Variants in RELN observed in about 807,000 individuals in gnomAD.
RELN encodes the protein reelin.
A neutral mutation model predicts 427.6 loss-of-function variants in RELN; 108 were observed. The ratio of observed to expected loss-of-function variants is 0.25; its 90% CI spans 0.22 to 0.30. The LOEUF (loss-of-function observed/expected upper bound fraction) is 0.30, where lower values mean the gene tolerates loss of function less well. Ranked by LOEUF, RELN falls within the 10% of genes least tolerant of loss-of-function variation. RELN has a pLI of 1.00. For synonymous variants in RELN, 1,524 were observed against 1,513.4 expected, an observed-to-expected ratio of 1.01 and a Z score of -0.16; for missense variants, 3,715 against 4,302.8, an observed-to-expected ratio of 0.86 and a Z score of 3.82.
rs866966966 is a variant in RELN at position 103,636,350 on chromosome 7, G to A, written c.2188C>T (p.Arg730Cys). ...LSSYHNFYSI[R>C]GAEVSFGCGV... Reference sequence around the variant, plus strand: ...CAACCAAAGCTGACTTCAGCACCACGGATAGAGTAAAAGTTATGGTAAGAG... The same window carrying A: ...CAACCAAAGCTGACTTCAGCACCACAGATAGAGTAAAAGTTATGGTAAGAG... The change falls in exon 18 of 65, where the codon CGT (arginine) becomes TGT (cysteine). Residue 730 changes from arginine to cysteine, a missense_variant. Transcript: ENST00000428762. The A allele has an allele frequency of 3.7e-6, 6 of 1,613,788 alleles. No individual in the cohort carries two copies. The highest frequency in any genetic ancestry group is 2.2e-5 in the South Asian group (2 of 91,070).
intron 3 of RELN, among the ~76,000 whole-genome samples, chr7:103,826,318 CAATGTGTGTGTGTG>C (rs1191717649): frequency 1.6e-5 from 1 of 64,062 alleles, no homozygotes; most frequent in Non-Finnish European, 3.9e-5. Flanking sequence ...CAGACTAAGA[CAATGTGTGTGTGTG>C]TGTGTGTGTG....
At chr7:103,703,383 T>G (rs1430659974) in intron 8 of RELN, among the ~76,000 whole-genome samples, 1 of 152,226 alleles carries the variant, frequency 6.6e-6, no homozygotes, top group East Asian at 1.9e-4. Flanking sequence ...ATAAGCTCTG[T>G]TCTTGCCCAG....
intron 2 of RELN, among the ~76,000 whole-genome samples, chr7:103,868,927 GC>G (rs1794263543): frequency 1.3e-5 from 2 of 151,776 alleles, no homozygotes; most frequent in South Asian, 4.2e-4. Flanking sequence ...CAATCTATTT[GC>G]TTTTTTTCTA....
At chr7:103,854,337 A>C (rs907617315) in intron 2 of RELN, among the ~76,000 whole-genome samples, 49 of 152,182 alleles carry the variant, frequency 3.2e-4, no homozygotes, top group African/African-American at 1.1e-3. Context: ...TTGTACTTTA[A>C]AGTCACGATT....
rs558138119 is a variant in RELN at position 103,842,476 on chromosome 7, T to A, written c.338-8804A>T. On this transcript the variant is annotated intron_variant, in intron 2 of 64. Transcript: ENST00000428762. ...TCAGACATTTCAACAAAGCCAAACA[T>A]GATTTCATATGCTGAAAAGTAATCA... 2.0e-5 allele frequency among the ~76,000 whole-genome samples: 3 copies of A among 152,320 alleles called. No individual in the cohort carries two copies. In the South Asian group the frequency reaches 6.2e-4, roughly 32 times the overall value.
At chr7:103,683,277 A>G (rs1833692865) in intron 10 of RELN, among the ~76,000 whole-genome samples, 1 of 152,170 alleles carries the variant, frequency 6.6e-6, no homozygotes, top group South Asian at 2.1e-4. Flanking sequence ...GTTATATTCC[A>G]GGTCTTAGCA....
intron 2 of RELN, among the ~76,000 whole-genome samples, chr7:103,864,170 T>C (rs1008091376): frequency 1.4e-4 from 21 of 152,214 alleles, no homozygotes; most frequent in African/African-American, 5.1e-4. Flanking sequence ...TGAAATCTCA[T>C]AACTTAAACA....
At chr7:103,875,727 A>G (rs1347494151) in intron 2 of RELN, among the ~76,000 whole-genome samples, 1 of 152,142 alleles carries the variant, frequency 6.6e-6, no homozygotes, top group Non-Finnish European at 1.5e-5. Context: ...TGGAAATGTC[A>G]AAGATTGCAA....
rs753756345 is a variant in RELN, at chr7:103,636,318, G to A, written c.2220C>T (p.Val740=). The change falls in exon 18 of 65, where the codon GTC becomes GTT. Residue 740 remains valine, a synonymous_variant. Coordinates refer to ENST00000428762, the MANE Select transcript of RELN (RefSeq NM_005045.4). ...RGAEVSFGCG[V]LASGKALVFN... The stretch of plus-strand genomic sequence containing the variant: ...AAACCAGGGCCTTACCACTGGCCAA[G>A]ACACCACAACCAAAGCTGACTTCAG... 6.2e-7 allele frequency: 1 copy of A among 1,613,888 alleles called. No homozygotes were observed.
At chr7:103,484,971 C>CT (rs1416513224) in intron 61 of RELN, among the ~76,000 whole-genome samples, 1 of 152,096 alleles carries the variant, frequency 6.6e-6, no homozygotes, top group Non-Finnish European at 1.5e-5. Context: ...TGACATTTTG[C>CT]TTTTCATTGT....
At chr7:103,907,430 A>AGG (rs1247222297) in intron 2 of RELN, among the ~76,000 whole-genome samples, 1 of 149,708 alleles carries the variant, frequency 6.7e-6, no homozygotes, top group African/African-American at 2.4e-5. Context: ...AAAAAAAAAA[A>AGG]AAAAAAAAAA....
At chr7:103,481,612 C>T (rs1226585815) in intron 63 of RELN, among the ~76,000 whole-genome samples, 2 of 152,158 alleles carry the variant, frequency 1.3e-5, no homozygotes, top group East Asian at 1.9e-4. Flanking sequence ...TCTTCAAAAG[C>T]TTCCCAAATG....
chr7:103,667,045 C>T (rs1003278278), intron 11 of RELN, among the ~76,000 whole-genome samples: 1 of 152,060 alleles, frequency 6.6e-6, no homozygotes, highest in East Asian at 1.9e-4. Context: ...TTTTAATTTC[C>T]CTTTGTTTTA....
rs112618658 is a variant in RELN at position 103,835,650 on chromosome 7, T to G, written c.338-1978A>C. Among the ~76,000 whole-genome samples the G allele has an allele frequency of 8.4e-3, 1,282 of 152,342 alleles. 16 individuals carry two copies. The highest frequency in any genetic ancestry group is 0.029 in the African/African-American group (1,192 of 41,594). ...TTATTTAAAAAATTACTAAAAGCAT[T>G]GCCAGAAATGGGAAGTTAAATTTTA... On this transcript the variant is annotated intron_variant, in intron 2 of 64. Coordinates refer to ENST00000428762, the MANE Select transcript of RELN (RefSeq NM_005045.4).
chr7:103,727,209 A>C (rs535730136), intron 7 of RELN, among the ~76,000 whole-genome samples: 26 of 152,202 alleles, frequency 1.7e-4, no homozygotes, highest in Middle Eastern at 3.4e-3. Context: ...TTGAAACACA[A>C]TTGTGACAGA....
At position 103,906,430 on chromosome 7, in the gene RELN, T is replaced by C. The variant is rs551649843; in HGVS notation, c.337+10645A>G. On this transcript the variant is annotated intron_variant, in intron 2 of 64. Transcript: ENST00000428762. The stretch of plus-strand genomic sequence containing the variant: ...GCAGATAGCAAGTGCTTGATAATGT[T>C]AGCTATGTTTATGATTTCTTAGAAT... 9.2e-5 allele frequency among the ~76,000 whole-genome samples: 14 copies of C among 152,322 alleles called. No homozygotes were observed. In the South Asian group the frequency reaches 2.7e-3, roughly 29 times the overall value.
intron 1 of RELN, among the ~76,000 whole-genome samples, chr7:103,922,676 A>G (rs1795642164): frequency 6.6e-6 from 1 of 152,322 alleles, no homozygotes; most frequent in East Asian, 1.9e-4. Flanking sequence ...TATCTATTAT[A>G]GCTTCTATTA....
At position 103,833,820 on chromosome 7, in the gene RELN, T is replaced by C. The variant is rs1464307484; in HGVS notation, c.338-148A>G. On this transcript the variant is annotated intron_variant, in intron 2 of 64. Coordinates refer to ENST00000428762, the MANE Select transcript of RELN (RefSeq NM_005045.4). ...ATAAGTTATGTAATTTTTCACTTTT[T>C]ATTGCTACAGGGAAATTAATCACTT... The C allele has an allele frequency of 2.5e-5, 19 of 757,068 alleles. No individual in the cohort carries two copies. In the Admixed American group the frequency reaches 3.9e-4, roughly 16 times the overall value. The allele number at this position is 757,068 out of a possible 1,614,324, so 46.9% of individuals were successfully genotyped here.
intron 56 of RELN, 129 bp from the exon 57 acceptor site, chr7:103,496,027 C>A: frequency 1.1e-6 from 1 of 925,094 alleles, no homozygotes; most frequent in Non-Finnish European, 1.7e-6. Flanking sequence ...GCTCTACTAG[C>A]TTTCTGCTTA....
Sources: allele counts gnomAD v4.1 joint callset (sites outside exome capture counted in the v4.1 genomes callset), GRCh38; gene constraint gnomAD v4.1.1; transcripts MANE v1.5; gene names NCBI Gene and HGNC (gene_info 2026-07-23, HGNC 2026-07-21).